The following RBPJ variants were observed in gnomAD, a reference collection of about 807,000 sequenced individuals.
RBPJ encodes the protein recombination signal binding protein for immunoglobulin kappa J region.
In RBPJ, 9 loss-of-function variants were observed where a neutral mutation model predicts 67.8. The observed-to-expected ratio is 0.13, with a 90% CI of 0.08 to 0.23. The LOEUF (loss-of-function observed/expected upper bound fraction) is 0.23, where lower values mean the gene tolerates loss of function less well. Ranked by LOEUF, RBPJ falls within the 10% of genes least tolerant of loss-of-function variation. The probability of loss-of-function intolerance (pLI) is 1.00; values close to 1 mark genes in which losing one functional copy is unlikely to be tolerated. For missense variants in RBPJ, 305 were observed against 595.6 expected (o/e 0.51, Z 5.08); for synonymous variants, 198 against 203.3 (o/e 0.97, Z 0.22).
Position 26,424,893 on chromosome 4 carries a change from G to T in RBPJ, c.747+150G>T, listed in dbSNP as rs1378945661. 7.3e-6 allele frequency: 4 copies of T among 550,844 alleles called. No homozygotes were observed. The South Asian group carries it at 1.1e-4, about 16-fold the overall frequency. 34.1% of individuals were successfully genotyped at this position (550,844 alleles called of 1,614,324 possible). On this transcript the variant is annotated intron_variant, in intron 7 of 10. Coordinates refer to ENST00000355476, the MANE Select transcript of RBPJ (RefSeq NM_015874.6). This position sits in a 1 kb window ranked among gnomAD's most constrained non-coding sequence, Gnocchi z 5.3. ...TTAGTAATCAGTGCTGTTTATAATT[G>T]ACAGTTATGCTCTACCTTATTTCAG... is the stretch of plus-strand genomic sequence containing the variant.
At chr4:26,391,636 T>C (rs1310370281) in intron 2 of RBPJ, among the ~76,000 whole-genome samples, 4 of 152,134 alleles carry the variant, frequency 2.6e-5, no homozygotes, top group Non-Finnish European at 4.4e-5. Flanking sequence ...GTGGAAGAAA[T>C]TGATAAATTT....
chr4:26,372,313 C>T (rs1372533253), intron 1 of RBPJ, among the ~76,000 whole-genome samples: 2 of 152,122 alleles, frequency 1.3e-5, no homozygotes, highest in African/African-American at 4.8e-5. Context: ...AGTAGAGACA[C>T]CACATGACTT....
chr4:26,217,824 G>C (rs1718767148), intron 1 of RBPJ, among the ~76,000 whole-genome samples: 1 of 152,196 alleles, frequency 6.6e-6, no homozygotes, highest in Non-Finnish European at 1.5e-5. Flanking sequence ...TGTCTTCAGA[G>C]TCAGACCTGG....
intron 1 of RBPJ, among the ~76,000 whole-genome samples, chr4:26,179,538 A>C (rs956132883): frequency 6.6e-6 from 1 of 152,088 alleles, no homozygotes; most frequent in Non-Finnish European, 1.5e-5. Flanking sequence ...GTGATCTTAG[A>C]AAGTAGGACA....
intron 3 of RBPJ, among the ~76,000 whole-genome samples, chr4:26,408,080 G>A (rs1194933217): frequency 6.6e-6 from 1 of 151,592 alleles, no homozygotes; most frequent in Non-Finnish European, 1.5e-5. Flanking sequence ...TCACTATGCC[G>A]TCCAGGCTGA....
At chr4:26,425,143 C>T (rs1269473644) in intron 7 of RBPJ, 3 of 235,080 alleles carry the variant, frequency 1.3e-5, no homozygotes, top group Non-Finnish European at 2.4e-5. Context: ...AGTTTGCAAA[C>T]AGAAGACATT....
chr4:26,250,020 A>C (rs1720054044), intron 1 of RBPJ, among the ~76,000 whole-genome samples: 1 of 151,860 alleles, frequency 6.6e-6, no homozygotes, highest in Non-Finnish European at 1.5e-5. Context: ...TCCTGACCTC[A>C]GGTGGTCCCC....
intron 1 of RBPJ, among the ~76,000 whole-genome samples, chr4:26,293,342 GCA>G (rs1721737688): frequency 6.7e-6 from 1 of 149,808 alleles, no homozygotes; most frequent in African/African-American, 2.5e-5. Context: ...TTGCAAGACA[GCA>G]CAGAGTCAGC....
At position 26,280,397 on chromosome 4, in the gene RBPJ, A is replaced by C. The variant is rs1298246960; in HGVS notation, c.-166-82049A>C. ...GGTGACAGAGCAACACTTCATCTCA[A>C]AAAAAAAAAAAAAAAAAAAGAGAGA... On this transcript the variant is annotated intron_variant, in intron 1 of 4. Coordinates refer to the RBPJ transcript ENST00000512351. Among the ~76,000 whole-genome samples the C allele has an allele frequency of 1.9e-3, 16 of 8,520 alleles. No individual in the cohort carries two copies. The African/African-American group carries it at 0.034, about 18-fold the overall frequency. The allele number at this position is 8,520 out of a possible 152,430, so 5.6% of individuals were successfully genotyped here. A position where few individuals can be genotyped will look rare whatever the true frequency, so the allele number is the denominator to read the frequency against.
chr4:26,370,347 A>T (rs1292503932), intron 1 of RBPJ, among the ~76,000 whole-genome samples: 1 of 152,234 alleles, frequency 6.6e-6, no homozygotes, highest in East Asian at 1.9e-4. Flanking sequence ...ACATTTTAAA[A>T]GCACAGGTAA....
At chr4:26,190,608 G>A (rs1717445817) in intron 1 of RBPJ, among the ~76,000 whole-genome samples, 1 of 152,160 alleles carries the variant, frequency 6.6e-6, no homozygotes, top group Non-Finnish European at 1.5e-5. Flanking sequence ...TCCAGAAGGG[G>A]CCTCAAAACT....
chr4:26,231,129 C>T (rs560103939), intron 1 of RBPJ, among the ~76,000 whole-genome samples: 25 of 152,194 alleles, frequency 1.6e-4, no homozygotes, highest in African/African-American at 5.5e-4. Context: ...GTTTATTCAC[C>T]GAAGGAGCAA....
chr4:26,362,880 T>A (rs1728223083), intron 1 of RBPJ, among the ~76,000 whole-genome samples: 1 of 152,234 alleles, frequency 6.6e-6, no homozygotes, highest in Non-Finnish European at 1.5e-5. Flanking sequence ...TAAGTTTTTA[T>A]AGTAATGGGC....
chr4:26,191,198 TATATATATATATAGAGAGAG>T (rs1478644418), intron 1 of RBPJ, among the ~76,000 whole-genome samples: 1 of 28,960 alleles, frequency 3.5e-5, no homozygotes, highest in Non-Finnish European at 6.5e-5. Context: ...TATATATATA[TATATATATATATAGAGAGAG>T]AGAGAGAGAG....
At position 26,204,978 on chromosome 4, in the gene RBPJ, T is replaced by A. The variant is rs549618961; in HGVS notation, c.-167+41364T>A. Among the ~76,000 whole-genome samples the A allele has an allele frequency of 7.9e-5, 12 of 152,262 alleles. No homozygotes were observed. The East Asian group carries it at 2.3e-3, about 29-fold the overall frequency. On this transcript the variant is annotated intron_variant, in intron 1 of 4. Transcript: ENST00000512351. ...TCTGGCAAGTGTGGAGTTGGCCACC[T>A]TTCCAAAGGGATGTGCCAAGGTCCT...
intron 1 of RBPJ, among the ~76,000 whole-genome samples, chr4:26,338,981 G>A (rs907349689): frequency 1.3e-5 from 2 of 151,472 alleles, no homozygotes; most frequent in African/African-American, 4.9e-5. Context: ...CACCATGCCT[G>A]GCTAATTTTT....
In RBPJ at chr4:26,420,460, T is replaced by A; in HGVS notation, c.322-91T>A. On this transcript the variant is annotated intron_variant, in intron 4 of 10. Coordinates refer to ENST00000355476, the MANE Select transcript of RBPJ (RefSeq NM_015874.6). ...CAGCTATCCCTTGGAATTGTTTTAC[T>A]TATTACTTAAACCATGGCCATTCTG... 3 of 799,440 alleles carry A rather than the reference T, an allele frequency of 3.8e-6. No homozygotes were observed. In the South Asian group the frequency reaches 8.3e-5, roughly 22 times the overall value. The allele number at this position is 799,440 out of a possible 1,614,324, so 49.5% of individuals were successfully genotyped here.
At chr4:26,260,564 A>G (rs1720493193) in intron 1 of RBPJ, among the ~76,000 whole-genome samples, 1 of 152,232 alleles carries the variant, frequency 6.6e-6, no homozygotes, top group Admixed American at 6.5e-5. Flanking sequence ...GGGCTCTGAT[A>G]AATCTAACCT....
rs1560225863 is a variant in RBPJ, at chr4:26,244,186, T to TACACATATGTGTAC, written c.-167+80575_-167+80576insCATATGTGTACACA. ...ATATATATGTATACACATATATGTA[T>TACACATATGTGTAC]ACATATATGTGTCTATATATGTATA... On this transcript the variant is annotated intron_variant, in intron 1 of 4. Transcript: ENST00000512351. Among the ~76,000 whole-genome samples, 74 of 124,606 alleles carry TACACATATGTGTAC rather than the reference T, an allele frequency of 5.9e-4. 3 individuals are homozygous for TACACATATGTGTAC. The highest frequency in any genetic ancestry group is 8.2e-4 in the Non-Finnish European group (45 of 54,936). 81.7% of individuals were successfully genotyped at this position (124,606 alleles called of 152,430 possible). A position where few individuals can be genotyped will look rare whatever the true frequency, so the allele number is the denominator to read the frequency against.
Sources: allele counts gnomAD v4.1 joint callset (sites outside exome capture counted in the v4.1 genomes callset), GRCh38; gene constraint gnomAD v4.1.1; non-coding constraint Gnocchi (gnomAD v3.1); transcripts MANE v1.5; gene names NCBI Gene and HGNC (gene_info 2026-07-23, HGNC 2026-07-21).